The following ENTPD3 variants were observed in gnomAD, a reference collection of about 807,000 sequenced individuals.
The protein encoded by ENTPD3 is CD39 antigen-like 3.
Under a neutral mutation model 51.2 loss-of-function variants are expected in ENTPD3, and 60 were observed. The observed-to-expected ratio is 1.17, with a 90% CI of 0.95 to 1.45. ENTPD3 has a LOEUF of 1.45. ENTPD3 is among the 40% of genes most tolerant of loss of function. ENTPD3 has a pLI of 0.00. For synonymous variants in ENTPD3, 221 were observed against 238.4 expected (o/e 0.93, Z 0.67); for missense variants, 593 against 641.1 (o/e 0.93, Z 0.81).
intron 4 of ENTPD3, among the ~76,000 whole-genome samples, chr3:40,409,044 G>A (rs958131733): frequency 6.6e-6 from 1 of 152,060 alleles, no homozygotes; most frequent in Non-Finnish European, 1.5e-5. Flanking sequence ...GCTGAAGTCA[G>A]GAGTTTGAGA....
At chr3:40,409,924 C>T (rs1319019980) in intron 4 of ENTPD3, among the ~76,000 whole-genome samples, 3 of 151,914 alleles carry the variant, frequency 2.0e-5, no homozygotes, top group Non-Finnish European at 4.4e-5. Flanking sequence ...TACCATTTAT[C>T]TAAAAGTTGG....
chr3:40,396,342 A>C (rs533650746), intron 3 of ENTPD3, among the ~76,000 whole-genome samples: 2 of 152,282 alleles, frequency 1.3e-5, no homozygotes, highest in South Asian at 4.2e-4. Flanking sequence ...AAGTTGAGCA[A>C]ATATGAGGGA....
At chr3:40,415,560 G>C (rs1955726396) in intron 6 of ENTPD3, among the ~76,000 whole-genome samples, 1 of 152,086 alleles carries the variant, frequency 6.6e-6, no homozygotes, top group Non-Finnish European at 1.5e-5. Context: ...ACGGTAACAG[G>C]AACAGAGTGT....
In ENTPD3 at chr3:40,422,976, A is replaced by G; in HGVS notation, c.958A>G (p.Asn320Asp). The change falls in exon 8 of 11, where the codon AAT becomes GAT. Residue 320 changes from asparagine to aspartate, a missense_variant. Transcript: ENST00000301825. ...CCAGAGGCCAGAAAGTTATAACCCCAATGATGTCATCACTTTTGAAGGAAC... is the reference window on the plus strand; with the variant it reads ...CCAGAGGCCAGAAAGTTATAACCCCGATGATGTCATCACTTTTGAAGGAAC... ...VDQRPESYNP[N>D]DVITFEGTGD... The G allele has an allele frequency of 6.2e-7, 1 of 1,614,064 alleles. No individual in the cohort carries two copies. Among genetic ancestry groups the G allele is most frequent in the Non-Finnish European group, 8.5e-7 (1 of 1,179,992 alleles).
In ENTPD3 at chr3:40,411,851, T is replaced by TC. The variant is rs1955639414; in HGVS notation, c.330dup (p.Arg111GlnfsTer4). 1 of 1,597,756 alleles carries TC rather than the reference T, an allele frequency of 6.3e-7. No homozygotes were observed. Among genetic ancestry groups the TC allele is most frequent in the African/African-American group, 1.3e-5 (1 of 74,344 alleles). ...AGCTATGGAAATAACCCCCAAGATG[T>TC]CCCCAGAGCCTTTGAGGAGTGTATG... On this transcript the variant is annotated frameshift_variant, in exon 5 of 11. Coordinates refer to ENST00000301825, the MANE Select transcript of ENTPD3 (RefSeq NM_001248.4). LOFTEE classifies it high-confidence loss of function.
chr3:40,402,590 T>C (rs969004325), intron 4 of ENTPD3, among the ~76,000 whole-genome samples: 2 of 152,212 alleles, frequency 1.3e-5, no homozygotes, highest in African/African-American at 2.4e-5. Context: ...AAATTCTTTA[T>C]AAATATTCTA....
intron 1 of ENTPD3, 86 bp from the exon 2 acceptor site, chr3:40,387,960 G>C: frequency 3.6e-6 from 4 of 1,101,564 alleles, no homozygotes; most frequent in Non-Finnish European, 4.2e-6. Context: ...AAGTAAAATG[G>C]GTTTTGTCTT....
At chr3:40,411,362 C>A (rs1955628498) in intron 4 of ENTPD3, among the ~76,000 whole-genome samples, 1 of 150,854 alleles carries the variant, frequency 6.6e-6, no homozygotes, top group Non-Finnish European at 1.5e-5. Flanking sequence ...AATAATTCAA[C>A]TGTAGTTAGG....
intron 4 of ENTPD3, among the ~76,000 whole-genome samples, chr3:40,402,116 T>TTTTTTTA (rs1553643050): frequency 3.1e-5 from 1 of 32,368 alleles, no homozygotes; most frequent in South Asian, 1.9e-3. Context: ...CTTTCCTTTT[T>TTTTTTTA]TTTTTTCTTT....
chr3:40,427,288 T>C lies in ENTPD3; in HGVS notation c.1370T>C (p.Ile457Thr). The change falls in exon 11 of 11, where the codon ATA becomes ACA. Residue 457 changes from isoleucine (I) to threonine (T), a missense_variant. Coordinates refer to ENST00000301825, the MANE Select transcript of ENTPD3 (RefSeq NM_001248.4). Reference protein sequence around the residue: ...HFEKEVGNSSIAWSLGYMLSL... With the variant: ...HFEKEVGNSSTAWSLGYMLSL... ...ACTCCACAGGTGGGGAATAGCAGCA[T>C]AGCCTGGTCTCTTGGCTACATGCTC... 1 of 1,614,132 alleles carries C rather than the reference T, an allele frequency of 6.2e-7. No individual in the cohort carries two copies. Among genetic ancestry groups the C allele is most frequent in the South Asian group, 1.1e-5 (1 of 91,070 alleles).
rs149248200 is a variant in ENTPD3 at position 40,409,650 on chromosome 3, T to C, written c.287-2162T>C. ...GGGCAGCTGAAGGAGGCAGTGGCTC[T>C]ATCAATTCCAAAGAAGGAAGTTTCC... On this transcript the variant is annotated intron_variant, in intron 4 of 10. Coordinates refer to ENST00000301825, the MANE Select transcript of ENTPD3 (RefSeq NM_001248.4). Among the ~76,000 whole-genome samples the C allele has an allele frequency of 8.1e-4, 123 of 152,336 alleles. 2 individuals carry two copies. In the East Asian group the frequency reaches 0.02, roughly 25 times the overall value.
intron 7 of ENTPD3, among the ~76,000 whole-genome samples, chr3:40,417,537 C>A (rs1955774121): frequency 6.6e-6 from 1 of 152,086 alleles, no homozygotes; most frequent in Non-Finnish European, 1.5e-5. Flanking sequence ...AATCACCTCC[C>A]ACCAGGCCCC....
chr3:40,427,114 G>A (rs1000012181), intron 10 of ENTPD3, among the ~76,000 whole-genome samples, 158 bp from the exon 11 acceptor site: 3 of 152,152 alleles, frequency 2.0e-5, no homozygotes, highest in African/African-American at 7.2e-5. Flanking sequence ...AAGCCTTTGT[G>A]GCTACAGTGT....
chr3:40,415,769 G>A, intron 6 of ENTPD3, 71 bp from the exon 7 acceptor site: 2 of 1,215,500 alleles, frequency 1.6e-6, no homozygotes, highest in South Asian at 1.3e-5. Flanking sequence ...ACGAGGCTTG[G>A]GTGGAGAACT....
intron 4 of ENTPD3, 29 bp from the exon 5 acceptor site, chr3:40,411,783 C>T (rs1462455406): frequency 6.5e-7 from 1 of 1,545,802 alleles, no homozygotes; most frequent in East Asian, 2.3e-5. Context: ...CCTGGAAATG[C>T]TGACAGATGC....
chr3:40,417,418 AAG>A lies in ENTPD3; in HGVS notation c.831+1354_831+1355del, dbSNP rs568264192. ...CCTTCTTACATGGGGGAATAGGAGG[AAG>A]AGAGAGAGTGAAGCGGAAGGTGCCA... is the stretch of plus-strand genomic sequence containing the variant. On this transcript the variant is annotated intron_variant, in intron 7 of 10. Transcript: ENST00000301825. Among the ~76,000 whole-genome samples, 750 of 152,220 alleles carry A rather than the reference AAG, an allele frequency of 4.9e-3. 1 individual carries two copies. Among genetic ancestry groups the A allele is most frequent in the Non-Finnish European group, 8.2e-3 (555 of 68,002 alleles).
intron 3 of ENTPD3, chr3:40,399,373 A>G (rs924548701): frequency 4.6e-5 from 7 of 152,092 alleles, no homozygotes; most frequent in African/African-American, 1.4e-4. Context: ...AATAGCCTGT[A>G]TTTATGAGTA....
chr3:40,419,351 G>A (rs572032917), intron 7 of ENTPD3, among the ~76,000 whole-genome samples: 2 of 148,206 alleles, frequency 1.3e-5, no homozygotes, highest in East Asian at 4.2e-4. Flanking sequence ...ATAAGCTTCA[G>A]GAATTCCAAA....
intron 5 of ENTPD3, among the ~76,000 whole-genome samples, chr3:40,414,443 C>T (rs1955699224): frequency 6.6e-6 from 1 of 152,148 alleles, no homozygotes; most frequent in Non-Finnish European, 1.5e-5. Context: ...TGTACTTATG[C>T]TGAAAGCAAT....
Sources: gnomAD v4.1 joint callset for allele counts (sites outside exome capture counted in the v4.1 genomes callset) on GRCh38, gnomAD v4.1.1 for gene constraint, MANE v1.5 for transcripts, NCBI Gene and HGNC (gene_info 2026-07-23, HGNC 2026-07-21) for gene names.